USH2A: variants seen among roughly 807,000 people sequenced by gnomAD.
The protein encoded by USH2A is Usher syndrome 2A (autosomal recessive, mild).
Under a neutral mutation model 538.9 loss-of-function variants are expected in USH2A, and 443 were observed. The ratio of observed to expected loss-of-function variants is 0.82; its 90% confidence interval spans 0.76 to 0.89. USH2A has a LOEUF of 0.89. USH2A is among the 40% of genes least tolerant of loss of function. The pLI, the probability that USH2A is intolerant of heterozygous loss-of-function variation, is 0.00. For synonymous variants in USH2A, 2,413 were observed against 2,273.5 expected, an observed-to-expected ratio of 1.06 and a Z score of -1.75; for missense variants, 6,633 against 6,324.8, an observed-to-expected ratio of 1.05 and a Z score of -1.65.
chr1:216,307,844 C>T (rs1327105461), intron 9 of USH2A, among the ~76,000 whole-genome samples: 1 of 152,186 alleles, frequency 6.6e-6, no homozygotes, highest in Non-Finnish European at 1.5e-5. Flanking sequence ...CACCTGTGAC[C>T]TGGACCTTCA....
intron 21 of USH2A, among the ~76,000 whole-genome samples, chr1:216,154,332 GA>G (rs1415224958): frequency 2.0e-5 from 3 of 152,114 alleles, no homozygotes; most frequent in Admixed American, 6.5e-5. Context: ...TGTTTCAGGT[GA>G]AATTTGGAGT....
intron 21 of USH2A, among the ~76,000 whole-genome samples, chr1:216,105,385 A>G (rs1266752308): frequency 6.6e-6 from 1 of 151,792 alleles, no homozygotes; most frequent in Non-Finnish European, 1.5e-5. Context: ...CCTATACACT[A>G]TACAGTACTA....
intron 20 of USH2A, 91 bp downstream of exon 20, chr1:216,190,132 T>G: frequency 6.5e-7 from 1 of 1,545,810 alleles, no homozygotes; most frequent in South Asian, 1.1e-5. Context: ...AGAAGACAAA[T>G]ATAAAGTCTC....
chr1:215,781,714 A>G (rs577552812), intron 54 of USH2A, among the ~76,000 whole-genome samples: 1 of 152,310 alleles, frequency 6.6e-6, no homozygotes, highest in African/African-American at 2.4e-5. Context: ...CTTTAACTGA[A>G]TAATGATTTG....
intron 9 of USH2A, among the ~76,000 whole-genome samples, chr1:216,316,969 C>T (rs1249414235): frequency 6.6e-6 from 1 of 152,150 alleles, no homozygotes; most frequent in Non-Finnish European, 1.5e-5. Flanking sequence ...TCCTTCTAGA[C>T]TCTGGATATT....
intron 61 of USH2A, among the ~76,000 whole-genome samples, chr1:215,708,393 T>C (rs767829651): frequency 1.1e-4 from 17 of 152,194 alleles, no homozygotes; most frequent in Non-Finnish European, 1.8e-4. Flanking sequence ...TTAAGTTCTG[T>C]ATCTGTCCTT....
At chr1:215,954,932 A>G (rs563646933) in intron 37 of USH2A, among the ~76,000 whole-genome samples, 2 of 152,036 alleles carry the variant, frequency 1.3e-5, no homozygotes, top group South Asian at 2.1e-4. Flanking sequence ...CCTTCCTCAC[A>G]TCCTTTACAA....
At chr1:215,649,219 A>G (rs1182966782) in intron 65 of USH2A, among the ~76,000 whole-genome samples, 1 of 152,086 alleles carries the variant, frequency 6.6e-6, no homozygotes, top group South Asian at 2.1e-4. Context: ...TCAGTCAAAA[A>G]ATCTTTTCAG....
intron 56 of USH2A, among the ~76,000 whole-genome samples, chr1:215,760,131 T>G (rs1178286584): frequency 6.6e-6 from 1 of 152,214 alleles, no homozygotes; most frequent in Non-Finnish European, 1.5e-5. Flanking sequence ...AGAGATCATC[T>G]GGGGATTTCA....
chr1:215,903,276 G>A lies in USH2A; in HGVS notation c.7301-2371C>T, dbSNP rs927739973. On this transcript the variant is annotated intron_variant, in intron 38 of 71. Coordinates refer to ENST00000307340, the MANE Select transcript of USH2A (RefSeq NM_206933.4). ...TTGCAAAGAGCAGATGCAGTGCAGT[G>A]CTGGGCATAGCAGTCTGAGCTAAGG... Among the ~76,000 whole-genome samples, 3 of 152,230 alleles carry A rather than the reference G, an allele frequency of 2.0e-5. No individual in the cohort carries two copies. In the South Asian group the frequency reaches 6.2e-4, roughly 32 times the overall value.
Position 216,175,259 on chromosome 1 carries a change from G to A in USH2A, c.4620C>T (p.Asp1540=), listed in dbSNP as rs764722698. Reference sequence around the variant, plus strand: ...AATGTCAAACACACTTACCAGTGAAGTCTGTATTGACTGGGTGAGTGGAGC... The same window carrying A: ...AATGTCAAACACACTTACCAGTGAAATCTGTATTGACTGGGTGAGTGGAGC... ...FPSSTHPVNT[D]FTGIKASFRT... Residue 1540 remains aspartate (D), a synonymous_variant, in exon 21 of 72, where the codon GAC becomes GAT. Coordinates refer to ENST00000307340, the MANE Select transcript of USH2A (RefSeq NM_206933.4). The A allele has an allele frequency of 3.7e-6, 6 of 1,613,574 alleles. No homozygotes were observed. In the African/African-American group the frequency reaches 8.0e-5, roughly 22 times the overall value.
chr1:215,678,287 CTT>C (rs1658098482), intron 62 of USH2A, among the ~76,000 whole-genome samples: 1 of 152,204 alleles, frequency 6.6e-6, no homozygotes, highest in Admixed American at 6.5e-5. Context: ...AAATTCTAAA[CTT>C]TACCACAGCC....
At chr1:215,642,729 C>T (rs1656727554) in intron 67 of USH2A, among the ~76,000 whole-genome samples, 1 of 152,130 alleles carries the variant, frequency 6.6e-6, no homozygotes, top group African/African-American at 2.4e-5. Context: ...CAACCCATCC[C>T]TTCCTAACTC....
chr1:215,856,418 C>A (rs114642193), intron 44 of USH2A, among the ~76,000 whole-genome samples: 5 of 152,016 alleles, frequency 3.3e-5, no homozygotes, highest in African/African-American at 1.2e-4. Context: ...GGCCAAGAAA[C>A]GTGCAAATGG....
intron 13 of USH2A, 57 bp from the exon 14 acceptor site, chr1:216,232,193 A>G (rs1015575116): frequency 5.2e-6 from 8 of 1,534,062 alleles, no homozygotes; most frequent in Non-Finnish European, 7.1e-6. Flanking sequence ...CTTTTATTTA[A>G]AGCATAATAA....
intron 38 of USH2A, among the ~76,000 whole-genome samples, chr1:215,912,903 T>A (rs1023985276): frequency 6.6e-6 from 1 of 152,134 alleles, no homozygotes; most frequent in Non-Finnish European, 1.5e-5. Context: ...ATCTCCATTT[T>A]TCTCATTTGG....
At chr1:215,697,471 T>A (rs1571967051) in intron 61 of USH2A, among the ~76,000 whole-genome samples, 1 of 152,168 alleles carries the variant, frequency 6.6e-6, no homozygotes, top group African/African-American at 2.4e-5. Context: ...TCAAATCTTT[T>A]GGGCTTCTCT....
intron 24 of USH2A, among the ~76,000 whole-genome samples, chr1:216,085,431 C>T (rs978422354): frequency 6.6e-6 from 1 of 151,266 alleles, no homozygotes; most frequent in Non-Finnish European, 1.5e-5. Flanking sequence ...AGAAAATGTG[C>T]AAATGAGAGA....
intron 3 of USH2A, among the ~76,000 whole-genome samples, chr1:216,368,194 C>A (rs1481266400): frequency 7.5e-6 from 1 of 132,508 alleles, no homozygotes; most frequent in Non-Finnish European, 1.6e-5. Context: ...CCTTTGAGTA[C>A]AAGAGTACAC....
Sources: allele counts gnomAD v4.1 joint callset (sites outside exome capture counted in the v4.1 genomes callset), GRCh38; gene constraint gnomAD v4.1.1; transcripts MANE v1.5; gene names NCBI Gene and HGNC (gene_info 2026-07-23, HGNC 2026-07-21).